Variants in MCC observed in about 807,000 individuals in gnomAD.
MCC encodes MCC regulator of Wnt signaling pathway.
In MCC, 90 loss-of-function variants were observed where a neutral mutation model predicts 116.2. The ratio of observed to expected loss-of-function variants is 0.77; its 90% CI spans 0.65 to 0.92. The LOEUF (loss-of-function observed/expected upper bound fraction) is 0.92, where lower values mean the gene tolerates loss of function less well. MCC is among the 40% of genes least tolerant of loss of function. The pLI is 0.00. For missense variants in MCC, 1,516 were observed against 1,312.2 expected (o/e 1.16, Z -2.40); for synonymous variants, 578 against 510.5 (o/e 1.13, Z -1.78).
chr5:113,420,149 T>C (rs1267914141), intron 1 of MCC, among the ~76,000 whole-genome samples: 2 of 150,764 alleles, frequency 1.3e-5, no homozygotes, highest in Non-Finnish European at 1.5e-5. Flanking sequence ...TTAAATCTTA[T>C]ACTTAAGATT....
chr5:113,361,900 G>A (rs1177573302), intron 2 of MCC, among the ~76,000 whole-genome samples: 2 of 152,116 alleles, frequency 1.3e-5, no homozygotes, highest in East Asian at 3.9e-4. Context: ...CAGGCCTTTG[G>A]ACTTGGACTG....
rs376900644 is a variant in MCC, at chr5:113,434,243, G to A, written c.171-49031C>T. 28 of 1,614,054 alleles carry A rather than the reference G, an allele frequency of 1.7e-5. No individual in the cohort carries two copies. Among genetic ancestry groups the A allele is most frequent in the Non-Finnish European group, 2.3e-5 (27 of 1,180,028 alleles). Reference sequence around the variant, plus strand: ...TGTAGAGGATCACGCCTAGGCTCCAGATGTCGTACACCTTGGGCTGGTAGG... The same window carrying A: ...TGTAGAGGATCACGCCTAGGCTCCAAATGTCGTACACCTTGGGCTGGTAGG... On this transcript the variant is annotated intron_variant, in intron 1 of 18. Coordinates refer to ENST00000408903, the MANE Select transcript of MCC (RefSeq NM_001085377.2). The surrounding 1 kb of genome is among the most constrained non-coding windows in gnomAD (Gnocchi z 4.2).
At chr5:113,471,042 A>G (rs1200501428) in intron 1 of MCC, among the ~76,000 whole-genome samples, 4 of 152,146 alleles carry the variant, frequency 2.6e-5, no homozygotes, top group Admixed American at 6.5e-5. Context: ...AGGTCTTTTA[A>G]GGACTTCTCT....
At chr5:113,356,284 G>A (rs1003345297) in intron 2 of MCC, among the ~76,000 whole-genome samples, 1 of 150,964 alleles carries the variant, frequency 6.6e-6, no homozygotes, top group African/African-American at 2.4e-5. Context: ...TGATCCTCGT[G>A]CCTCGACCTC....
At chr5:113,425,681 AT>A (rs1372596893) in intron 1 of MCC, among the ~76,000 whole-genome samples, 1 of 152,222 alleles carries the variant, frequency 6.6e-6, no homozygotes, top group East Asian at 1.9e-4. Flanking sequence ...TAAGCAAATT[AT>A]TATAAATTAT....
At chr5:113,096,069 T>C (rs994315264) in intron 8 of MCC, among the ~76,000 whole-genome samples, 1 of 152,084 alleles carries the variant, frequency 6.6e-6, no homozygotes, top group Non-Finnish European at 1.5e-5. Flanking sequence ...ATGACCCTGG[T>C]GAAGGGACAG....
chr5:113,161,976 G>A (rs1561415967), intron 3 of MCC, among the ~76,000 whole-genome samples: 1 of 152,200 alleles, frequency 6.6e-6, no homozygotes, highest in East Asian at 1.9e-4. Context: ...GGCTGCTGAC[G>A]GATGGGCCAT....
chr5:113,077,768 C>T (rs1754558268), intron 11 of MCC, among the ~76,000 whole-genome samples: 5 of 152,088 alleles, frequency 3.3e-5, no homozygotes, highest in Admixed American at 3.3e-4. Flanking sequence ...AGAGCCAACA[C>T]ATTCAAAAGC....
At chr5:113,052,259 G>A (rs1398223387) in intron 15 of MCC, among the ~76,000 whole-genome samples, 1 of 152,152 alleles carries the variant, frequency 6.6e-6, no homozygotes, top group East Asian at 1.9e-4. Context: ...AATGATGGAA[G>A]GGTGGCCTCA....
intron 3 of MCC, among the ~76,000 whole-genome samples, chr5:113,154,621 C>T (rs139821747): frequency 6.6e-6 from 1 of 152,322 alleles, no homozygotes; most frequent in East Asian, 1.9e-4. Flanking sequence ...TCACCAGTCT[C>T]TGGCTTATTG....
At chr5:113,285,059 CT>C (rs1766193958) in intron 3 of MCC, among the ~76,000 whole-genome samples, 1 of 152,058 alleles carries the variant, frequency 6.6e-6, no homozygotes, top group African/African-American at 2.4e-5. Context: ...TAAACCATTC[CT>C]TTTTAGGGGA....
At chr5:113,043,879 C>T (rs886696656) in intron 16 of MCC, among the ~76,000 whole-genome samples, 1 of 152,242 alleles carries the variant, frequency 6.6e-6, no homozygotes, top group African/African-American at 2.4e-5. Context: ...CTCTGAGCAG[C>T]CGCTGATGCC....
rs138750229 is a variant in MCC at position 113,417,799 on chromosome 5, C to T, written c.171-32587G>A. On this transcript the variant is annotated intron_variant, in intron 1 of 18. Coordinates refer to ENST00000408903, the MANE Select transcript of MCC (RefSeq NM_001085377.2). ...CAAAAATAAGCCAGGTATAGTGGTA[C>T]ACGCCTGTAGTCCTAGCTACTCAGG... is the stretch of plus-strand genomic sequence containing the variant. 2.7e-3 allele frequency among the ~76,000 whole-genome samples: 414 copies of T among 152,124 alleles called. 2 individuals carry two copies. Among genetic ancestry groups the T allele is most frequent in the African/African-American group, 9.7e-3 (402 of 41,502 alleles).
intron 17 of MCC, among the ~76,000 whole-genome samples, chr5:113,038,620 A>G (rs774439132): frequency 5.3e-5 from 8 of 152,130 alleles, no homozygotes; most frequent in Non-Finnish European, 1.2e-4. Flanking sequence ...GGGTGGGGCC[A>G]GGACAAAAGC....
At chr5:113,377,242 A>C (rs1222103577) in intron 2 of MCC, among the ~76,000 whole-genome samples, 2 of 152,168 alleles carry the variant, frequency 1.3e-5, no homozygotes, top group African/African-American at 4.8e-5. Context: ...TGTCACCAAA[A>C]AGCCCTAATA....
chr5:113,025,491 G>T lies in MCC; in HGVS notation c.*1811C>A, dbSNP rs1750475733. 1 of 151,538 alleles carries T rather than the reference G, an allele frequency of 6.6e-6. No individual in the cohort carries two copies. The highest frequency in any genetic ancestry group is 1.5e-5 in the Non-Finnish European group (1 of 68,000). 9.4% of individuals were successfully genotyped at this position (151,538 alleles called of 1,614,324 possible). A position where few individuals can be genotyped will look rare whatever the true frequency, so the allele number is the denominator to read the frequency against. On this transcript the variant is annotated 3_prime_UTR_variant, in exon 19 of 19. Transcript: ENST00000408903. ...AATACAAAAAAACTAGCTGGGTATG[G>T]TGGCGGGCACCTGTAATTCCAGCTA...
intron 1 of MCC, among the ~76,000 whole-genome samples, chr5:113,387,962 G>A (rs960145381): frequency 3.3e-5 from 5 of 152,260 alleles, no homozygotes; most frequent in South Asian, 4.1e-4. Flanking sequence ...GAACGGAACT[G>A]ACTACCTCAC....
chr5:113,301,195 G>A (rs755023122), intron 3 of MCC, among the ~76,000 whole-genome samples: 7 of 152,254 alleles, frequency 4.6e-5, no homozygotes, highest in Non-Finnish European at 8.8e-5. Flanking sequence ...GCCGGGCATG[G>A]TGGCTCACGC....
intron 14 of MCC, among the ~76,000 whole-genome samples, chr5:113,062,563 G>A (rs1753296773): frequency 6.6e-6 from 1 of 152,086 alleles, no homozygotes; most frequent in Non-Finnish European, 1.5e-5. Context: ...GACAACATGA[G>A]AACTACATTT....
Sources: allele counts gnomAD v4.1 joint callset (sites outside exome capture counted in the v4.1 genomes callset), GRCh38; gene constraint gnomAD v4.1.1; non-coding constraint Gnocchi (gnomAD v3.1); transcripts MANE v1.5; gene names NCBI Gene and HGNC (gene_info 2026-07-23, HGNC 2026-07-21).